The following CACNA1I variants were observed in gnomAD, a reference collection of about 807,000 sequenced individuals.
CACNA1I encodes the protein voltage-dependent T-type calcium channel subunit alpha-1I.
A neutral mutation model predicts 201.6 loss-of-function variants in CACNA1I; 74 were observed. The ratio of observed to expected loss-of-function variants is 0.37; its 90% CI spans 0.30 to 0.45. The LOEUF (loss-of-function observed/expected upper bound fraction) is 0.45, where lower values mean the gene tolerates loss of function less well. Ranked by LOEUF, CACNA1I falls within the 20% of genes least tolerant of loss-of-function variation. CACNA1I has a pLI of 1.00. For missense variants in CACNA1I, 2,346 were observed against 3,138.1 expected, an observed-to-expected ratio of 0.75 and a Z score of 6.03; for synonymous variants, 1,431 against 1,345.2, an observed-to-expected ratio of 1.06 and a Z score of -1.40.
intron 3 of CACNA1I, among the ~76,000 whole-genome samples, chr22:39,611,517 G>A (rs1303096259): frequency 2.0e-5 from 3 of 152,126 alleles, no homozygotes; most frequent in Non-Finnish European, 4.4e-5. Flanking sequence ...AGAGCCAAAA[G>A]CATCTCTGCA....
At chr22:39,651,319 C>A (rs952855959) in intron 10 of CACNA1I, among the ~76,000 whole-genome samples, 1 of 152,244 alleles carries the variant, frequency 6.6e-6, no homozygotes. Context: ...GGGCCGCACA[C>A]GCACCTCCCT....
Position 39,688,575 on chromosome 22 carries a change from A to G in CACNA1I, c.*2170A>G, listed in dbSNP as rs1569106419. 6.6e-6 allele frequency: 1 copy of G among 152,154 alleles called. No individual in the cohort carries two copies. The highest frequency in any genetic ancestry group is 1.5e-5 in the Non-Finnish European group (1 of 68,050). The allele number at this position is 152,154 out of a possible 1,614,324, so 9.4% of individuals were successfully genotyped here. Reference sequence around the variant, plus strand: ...AGGGGCTGTGTGGCCTGGGAATACCATGTGGAAGGTTGGGCTTCAAGTTAA... The same window carrying G: ...AGGGGCTGTGTGGCCTGGGAATACCGTGTGGAAGGTTGGGCTTCAAGTTAA... On this transcript the variant is annotated 3_prime_UTR_variant, in exon 37 of 37. Transcript: ENST00000402142. This position sits in a 1 kb window ranked among gnomAD's most constrained non-coding sequence, Gnocchi z 4.8.
At chr22:39,617,210 C>T (rs1184426983) in intron 3 of CACNA1I, among the ~76,000 whole-genome samples, 12 of 152,218 alleles carry the variant, frequency 7.9e-5, no homozygotes, top group Admixed American at 4.6e-4. Flanking sequence ...TGTTTATTTT[C>T]ATGGCGAGGC....
chr22:39,673,902 G>A (rs139935575), intron 28 of CACNA1I, 61 bp from the exon 29 acceptor site: 24 of 1,520,578 alleles, frequency 1.6e-5, no homozygotes, highest in Middle Eastern at 4.3e-4. Flanking sequence ...GCACACATGC[G>A]TGCACACACA....
In CACNA1I at chr22:39,648,995, C is replaced by A. The variant is rs571659995; in HGVS notation, c.1568-506C>A. Among the ~76,000 whole-genome samples the A allele has an allele frequency of 2.2e-4, 34 of 152,300 alleles. No individual in the cohort carries two copies. The highest frequency in any genetic ancestry group is 7.9e-4 in the African/African-American group (33 of 41,576). On this transcript the variant is annotated intron_variant, in intron 9 of 36. Transcript: ENST00000402142. The surrounding 1 kb of genome is among the most constrained non-coding windows in gnomAD (Gnocchi z 5.4). Reference sequence around the variant, plus strand: ...CCAGGGCTCCATGCCTCCTCCCCTCCCTGGGAAGCAAACCTCACCCCTTCC... The same window carrying A: ...CCAGGGCTCCATGCCTCCTCCCCTCACTGGGAAGCAAACCTCACCCCTTCC...
rs764337762 is a variant in CACNA1I at position 39,663,857 on chromosome 22, C to T, written c.3597+16C>T. 4.3e-6 allele frequency: 7 copies of T among 1,613,036 alleles called. No individual in the cohort carries two copies. In the African/African-American group the frequency reaches 8.0e-5, roughly 18 times the overall value. The stretch of plus-strand genomic sequence containing the variant: ...CGGCAGCACCGTGAGTGGCTGTAGC[C>T]TTTGGGCAGGGCAGGCGCCAGGCCA... On this transcript the variant is annotated intron_variant, in intron 19 of 36. Transcript: ENST00000402142.
Position 39,677,395 on chromosome 22 carries a change from G to T in CACNA1I, c.4909G>T (p.Gly1637Trp). 1 of 1,592,340 alleles carries T rather than the reference G, an allele frequency of 6.3e-7. No homozygotes were observed. ...GCTCTTCTTCATCTATGCTGCTCTC[G>T]GGGTGGAGCTCTTTGGGAAGCTGGG... ...MLLFFIYAAL[G>W]VELFGKLVCN... is the part of the protein sequence containing the mutation. The change falls in exon 30 of 37, where the codon GGG becomes TGG. Residue 1637 changes from glycine to tryptophan, a missense_variant. By Grantham distance (184) the Gly-to-Trp change is radical. Transcript: ENST00000402142. The surrounding 1 kb of genome is among the most constrained non-coding windows in gnomAD (Gnocchi z 4.8).
At chr22:39,621,806 C>G (rs536991180) in intron 4 of CACNA1I, among the ~76,000 whole-genome samples, 2 of 152,116 alleles carry the variant, frequency 1.3e-5, no homozygotes, top group African/African-American at 4.8e-5. Flanking sequence ...ACCAGCCTGG[C>G]CCCTTCCCAC....
intron 7 of CACNA1I, among the ~76,000 whole-genome samples, chr22:39,644,900 C>G (rs977172956): frequency 4.6e-5 from 7 of 151,738 alleles, no homozygotes; most frequent in African/African-American, 1.5e-4. Context: ...ATTTGCCAGG[C>G]TGGTCTCAAA....
rs768632890 is a variant in CACNA1I at position 39,570,813 on chromosome 22, G to A, written c.61G>A (p.Val21Ile). ...AGCAGCCCCAGCCGCTGAGCCAGGA[G>A]TCACCACGGAGCAGCCCGGACCCCG... is the stretch of plus-strand genomic sequence containing the variant. ...SAAAPAAEPG[V>I]TTEQPGPRSP... Residue 21 changes from valine to isoleucine, a missense_variant, in exon 1 of 37, where the codon GTC becomes ATC. Transcript: ENST00000402142. The A allele has an allele frequency of 3.7e-5, 60 of 1,613,322 alleles. 1 individual carries two copies. The South Asian group carries it at 5.4e-4, about 14-fold the overall frequency.
chr22:39,677,345 G>C lies in CACNA1I; in HGVS notation c.4859G>C (p.Gly1620Ala). ...GCCTCACCTGTCCTCCCGCAGGTGG[G>C]CAACCTGGGCCTCCTCTTCATGCTG... is the stretch of plus-strand genomic sequence containing the variant. Reference protein sequence around the residue: ...DTVVQALPQVGNLGLLFMLLF... With the variant: ...DTVVQALPQVANLGLLFMLLF... Residue 1620 changes from glycine (G) to alanine (A), a missense_variant, in exon 30 of 37, where the codon GGC becomes GCC. By Grantham distance (60) the Gly-to-Ala change is moderately conservative. Around this residue, in one of 13 missense-constraint regions of CACNA1I, gnomAD observed 50 missense variants for 43.6 expected, o/e 1.15. Transcript: ENST00000402142. The surrounding 1 kb of genome is among the most constrained non-coding windows in gnomAD (Gnocchi z 4.8). 6.3e-7 allele frequency: 1 copy of C among 1,593,884 alleles called. No homozygotes were observed. Among genetic ancestry groups the C allele is most frequent in the Non-Finnish European group, 8.5e-7 (1 of 1,173,332 alleles).
intron 1 of CACNA1I, among the ~76,000 whole-genome samples, chr22:39,580,876 G>A (rs757122868): frequency 5.3e-5 from 8 of 152,218 alleles, no homozygotes; most frequent in South Asian, 2.1e-4. Context: ...CCATTCATTC[G>A]ACAAGTGTTG....
chr22:39,602,579 G>A (rs1259069729), intron 3 of CACNA1I, among the ~76,000 whole-genome samples: 1 of 151,906 alleles, frequency 6.6e-6, no homozygotes, highest in Non-Finnish European at 1.5e-5. Context: ...AAAGGTGTTT[G>A]GATAGTGTCA....
intron 2 of CACNA1I, among the ~76,000 whole-genome samples, chr22:39,598,948 T>C (rs1389106407): frequency 7.8e-6 from 1 of 127,446 alleles, no homozygotes; most frequent in African/African-American, 3.0e-5. Flanking sequence ...TGGGTTTTTT[T>C]TTTTTTTTTT....
At chr22:39,627,877 A>G (rs1290245968) in intron 4 of CACNA1I, among the ~76,000 whole-genome samples, 2 of 146,046 alleles carry the variant, frequency 1.4e-5, no homozygotes, top group African/African-American at 5.0e-5. Context: ...AAGGAGGGAG[A>G]GAAATGGGGA....
chr22:39,589,438 G>C (rs1281804510), intron 1 of CACNA1I, among the ~76,000 whole-genome samples: 1 of 152,208 alleles, frequency 6.6e-6, no homozygotes, highest in African/African-American at 2.4e-5. Context: ...ACGAATGAAC[G>C]AATGAATGTG....
Position 39,677,263 on chromosome 22 carries a change from C to T in CACNA1I, c.4855-78C>T. 1.0e-6 allele frequency: 1 copy of T among 980,362 alleles called. No homozygotes were observed. Among genetic ancestry groups the T allele is most frequent in the Non-Finnish European group, 1.5e-6 (1 of 646,504 alleles). 60.7% of individuals were successfully genotyped at this position (980,362 alleles called of 1,614,324 possible). A position where few individuals can be genotyped will look rare whatever the true frequency, so the allele number is the denominator to read the frequency against. On this transcript the variant is annotated intron_variant, in intron 29 of 36. Coordinates refer to ENST00000402142, the MANE Select transcript of CACNA1I (RefSeq NM_021096.4). The surrounding 1 kb of genome is among the most constrained non-coding windows in gnomAD (Gnocchi z 4.8). The stretch of plus-strand genomic sequence containing the variant: ...CCACAGGCTGCCCAACCCCACTGCC[C>T]CAGCCTCCACCCTTCCCAGGCCTGG...
In CACNA1I at chr22:39,664,821, T is replaced by G; in HGVS notation, c.3749T>G (p.Val1250Gly). 1.2e-6 allele frequency: 2 copies of G among 1,613,170 alleles called. No homozygotes were observed. Among genetic ancestry groups the G allele is most frequent in the Non-Finnish European group, 1.7e-6 (2 of 1,179,786 alleles). The change falls in exon 21 of 37, where the codon GTG (valine) becomes GGG (glycine). Residue 1250 changes from valine (V) to glycine (G), a missense_variant. Val to Gly is a moderately radical substitution (Grantham distance 109). This residue lies in a region of CACNA1I where 158 missense variants were observed against 231.6 expected (regional missense o/e 0.68). Coordinates refer to ENST00000402142, the MANE Select transcript of CACNA1I (RefSeq NM_021096.4). ...WNVLDGFLVF[V>G]SIIDIVVSLA... Reference sequence around the variant, plus strand: ...GTGCTGGATGGCTTTCTTGTCTTCGTGTCCATCATCGACATCGTGGTGTCC... The same window carrying G: ...GTGCTGGATGGCTTTCTTGTCTTCGGGTCCATCATCGACATCGTGGTGTCC...
At chr22:39,572,882 G>A (rs1322353146) in intron 1 of CACNA1I, among the ~76,000 whole-genome samples, 2 of 152,002 alleles carry the variant, frequency 1.3e-5, no homozygotes, top group African/African-American at 2.4e-5. Flanking sequence ...TCAGCCTCCC[G>A]AGTAGCTGGG....
Sources: gnomAD v4.1 joint callset for allele counts (sites outside exome capture counted in the v4.1 genomes callset) on GRCh38, gnomAD v4.1.1 for gene constraint, gnomAD v4.1.1 regional missense constraint, Gnocchi (gnomAD v3.1) non-coding constraint, MANE v1.5 for transcripts, NCBI Gene and HGNC (gene_info 2026-07-23, HGNC 2026-07-21) for gene names.